The following SLC16A10 variants were observed in gnomAD, a reference collection of about 807,000 sequenced individuals.
SLC16A10 encodes the protein solute carrier family 16 member 10.
SLC16A10 carries 27 observed loss-of-function variants against 40.0 expected under a neutral mutation model. The ratio of observed to expected loss-of-function variants is 0.67; its 90% CI spans 0.50 to 0.93. The LOEUF (loss-of-function observed/expected upper bound fraction) is 0.93. Among genes scored for constraint, SLC16A10 ranks in the 40% least tolerant of loss-of-function variants. The pLI, the probability that SLC16A10 is intolerant of heterozygous loss-of-function variation, is 0.00. For synonymous variants in SLC16A10, 213 were observed against 249.8 expected (o/e 0.85, Z 1.39); for missense variants, 529 against 658.2 (o/e 0.80, Z 2.15).
intron 3 of SLC16A10, among the ~76,000 whole-genome samples, chr6:111,183,397 A>G (rs866351903): frequency 2.0e-5 from 3 of 152,200 alleles, no homozygotes; most frequent in African/African-American, 4.8e-5. Context: ...CTAGAATGTA[A>G]ACACCACAAG....
chr6:111,178,857 A>G (rs929964772), intron 3 of SLC16A10: 5 of 161,518 alleles, frequency 3.1e-5, no homozygotes, highest in East Asian at 1.9e-4. Flanking sequence ...GTCCATTTTC[A>G]TACTATTAGG....
intron 5 of SLC16A10, 92 bp from the exon 6 acceptor site, chr6:111,221,911 G>A (rs1271777901): frequency 1.8e-6 from 2 of 1,120,268 alleles, no homozygotes; most frequent in African/African-American, 3.3e-5. Flanking sequence ...AAAGTCTGAT[G>A]TCTGAGATGT....
In SLC16A10 at chr6:111,227,710, A is replaced by G. The variant is rs1393852381; in HGVS notation, c.*5475A>G. On this transcript the variant is annotated 3_prime_UTR_variant, in exon 6 of 6. Transcript: ENST00000368851. Reference sequence around the variant, plus strand: ...TTCCCCATGGTACTATATTCCTGACAGATATAAAATAACATGAGGCTACCT... The same window carrying G: ...TTCCCCATGGTACTATATTCCTGACGGATATAAAATAACATGAGGCTACCT... The G allele has an allele frequency of 6.6e-6, 1 of 152,224 alleles. No homozygotes were observed. The highest frequency in any genetic ancestry group is 1.5e-5 in the Non-Finnish European group (1 of 68,040). 9.4% of individuals were successfully genotyped at this position (152,224 alleles called of 1,614,324 possible).
rs138135374 is a variant in SLC16A10, at chr6:111,226,684, A to G, written c.*4449A>G. The G allele has an allele frequency of 6.6e-6, 1 of 152,358 alleles. No homozygotes were observed. The highest frequency in any genetic ancestry group is 1.9e-4 in the East Asian group (1 of 5,190). The allele number at this position is 152,358 out of a possible 1,614,324, so 9.4% of individuals were successfully genotyped here. On this transcript the variant is annotated 3_prime_UTR_variant, in exon 6 of 6. Transcript: ENST00000368851. The stretch of plus-strand genomic sequence containing the variant: ...TGAAAGGCAAGTAGTATCTTGGTGA[A>G]TAAGAAATGCATCATCCATAACAAT...
chr6:111,172,671 C>T, intron 1 of SLC16A10, 24 bp from the exon 2 acceptor site: 1 of 1,606,704 alleles, frequency 6.2e-7, no homozygotes, highest in African/African-American at 1.3e-5. Flanking sequence ...CATAATTCCC[C>T]CCACGCTTTC....
At chr6:111,138,734 C>T (rs970985908) in intron 1 of SLC16A10, among the ~76,000 whole-genome samples, 4 of 152,006 alleles carry the variant, frequency 2.6e-5, no homozygotes, top group African/African-American at 9.7e-5. Flanking sequence ...GATCCTCCTG[C>T]CTCAGCCTTC....
chr6:111,138,659 T>C (rs954350037), intron 1 of SLC16A10, among the ~76,000 whole-genome samples: 13 of 151,934 alleles, frequency 8.6e-5, no homozygotes, highest in Non-Finnish European at 5.9e-5. Flanking sequence ...TTTTTTTTTC[T>C]TTTTTTTAAG....
intron 1 of SLC16A10, among the ~76,000 whole-genome samples, chr6:111,090,858 C>A (rs773018632): frequency 6.6e-6 from 1 of 152,152 alleles, no homozygotes; most frequent in East Asian, 1.9e-4. Context: ...TTTCTATTAC[C>A]GTACTCATGA....
intron 1 of SLC16A10, among the ~76,000 whole-genome samples, chr6:111,148,507 A>G (rs2114512301): frequency 6.6e-6 from 1 of 152,352 alleles, no homozygotes; most frequent in African/African-American, 2.4e-5. Context: ...GCAAGGAGGC[A>G]TTTGATTCAT....
At chr6:111,192,723 G>A (rs966596100) in intron 3 of SLC16A10, among the ~76,000 whole-genome samples, 4 of 152,172 alleles carry the variant, frequency 2.6e-5, no homozygotes, top group African/African-American at 7.2e-5. Flanking sequence ...GTGGAAGGTG[G>A]AGGAGGAGCA....
chr6:111,117,791 C>T (rs573825455), intron 1 of SLC16A10, among the ~76,000 whole-genome samples: 3 of 152,292 alleles, frequency 2.0e-5, no homozygotes, highest in Admixed American at 1.3e-4. Context: ...TTTTAGACCT[C>T]TGTGGCCTTG....
chr6:111,093,716 GAACAAATA>G (rs1771024341), intron 1 of SLC16A10, among the ~76,000 whole-genome samples: 1 of 152,132 alleles, frequency 6.6e-6, no homozygotes, highest in East Asian at 1.9e-4. Context: ...TAGTTACAGT[GAACAAATA>G]ATCTGGTTCA....
At chr6:111,109,967 T>C (rs2114456106) in intron 1 of SLC16A10, among the ~76,000 whole-genome samples, 1 of 152,308 alleles carries the variant, frequency 6.6e-6, no homozygotes, top group South Asian at 2.1e-4. Flanking sequence ...GTACTTTTTT[T>C]TTGAAATTAA....
Position 111,182,327 on chromosome 6 carries a change from TTTTTTC to T in SLC16A10, c.942+4663_942+4668del, listed in dbSNP as rs1207362417. Among the ~76,000 whole-genome samples, 97 of 144,232 alleles carry T rather than the reference TTTTTTC, an allele frequency of 6.7e-4. No individual in the cohort carries two copies. The East Asian group carries it at 8.5e-3, about 13-fold the overall frequency. 94.6% of individuals were successfully genotyped at this position (144,232 alleles called of 152,430 possible). A position where few individuals can be genotyped will look rare whatever the true frequency, so the allele number is the denominator to read the frequency against. ...CTGGGTTTCTTTTTTTTTTTTTTTT[TTTTTTC>T]CTTTTTAACGGCTCCTCTGACTCCT... On this transcript the variant is annotated intron_variant, in intron 3 of 5. Coordinates refer to ENST00000368851, the MANE Select transcript of SLC16A10 (RefSeq NM_018593.5).
intron 3 of SLC16A10, among the ~76,000 whole-genome samples, chr6:111,192,635 C>A (rs906283093): frequency 1.3e-5 from 2 of 152,060 alleles, no homozygotes; most frequent in African/African-American, 4.8e-5. Flanking sequence ...AAGACATACC[C>A]GAAACTGGGC....
At chr6:111,163,073 G>C (rs1015613009) in intron 1 of SLC16A10, among the ~76,000 whole-genome samples, 17 of 151,480 alleles carry the variant, frequency 1.1e-4, no homozygotes, top group Admixed American at 4.6e-4. Context: ...AAATGTCTTT[G>C]GGTAATAACA....
chr6:111,203,719 C>T (rs1239416496), intron 3 of SLC16A10, among the ~76,000 whole-genome samples: 7 of 138,080 alleles, frequency 5.1e-5, no homozygotes, highest in African/African-American at 1.1e-4. Flanking sequence ...AACCCCATCT[C>T]AAATAAATAA....
At chr6:111,108,084 A>G (rs1163656681) in intron 1 of SLC16A10, among the ~76,000 whole-genome samples, 2 of 151,462 alleles carry the variant, frequency 1.3e-5, no homozygotes, top group East Asian at 3.9e-4. Flanking sequence ...CAGTGGTGCA[A>G]TCTTGGCTCA....
At chr6:111,192,625 A>G (rs544143351) in intron 3 of SLC16A10, among the ~76,000 whole-genome samples, 1 of 152,286 alleles carries the variant, frequency 6.6e-6, no homozygotes, top group Non-Finnish European at 1.5e-5. Flanking sequence ...GCTGCTAATA[A>G]AGACATACCC....
Sources: gnomAD v4.1 joint callset for allele counts (sites outside exome capture counted in the v4.1 genomes callset) on GRCh38, gnomAD v4.1.1 for gene constraint, MANE v1.5 for transcripts, NCBI Gene and HGNC (gene_info 2026-07-23, HGNC 2026-07-21) for gene names.